RIMKLB: variants seen among roughly 807,000 people sequenced by gnomAD.
The protein encoded by RIMKLB is beta-citrylglutamate synthase B.
In RIMKLB, 7 loss-of-function variants were observed where a neutral mutation model predicts 32.0. The ratio of observed to expected loss-of-function variants is 0.22; its 90% CI spans 0.12 to 0.41. The LOEUF is 0.41. RIMKLB is among the 10% of genes least tolerant of loss of function. RIMKLB has a pLI of 1.00. For synonymous variants in RIMKLB, 172 were observed against 185.1 expected, an observed-to-expected ratio of 0.93 and a Z score of 0.57; for missense variants, 289 against 498.7, an observed-to-expected ratio of 0.58 and a Z score of 4.00.
At chr12:8,722,913 T>C (rs1246058042) in intron 2 of RIMKLB, among the ~76,000 whole-genome samples, 1 of 152,188 alleles carries the variant, frequency 6.6e-6, no homozygotes, top group South Asian at 2.1e-4. Context: ...AGAGTTAGGG[T>C]CTTACTCTAG....
In RIMKLB at chr12:8,748,632, T is replaced by A. The variant is rs762663086; in HGVS notation, c.176-1230T>A. Among the ~76,000 whole-genome samples, 11 of 150,230 alleles carry A rather than the reference T, an allele frequency of 7.3e-5. No homozygotes were observed. In the South Asian group the frequency reaches 1.5e-3, roughly 20 times the overall value. On this transcript the variant is annotated intron_variant, in intron 2 of 5. Transcript: ENST00000535829. ...TTTTATATATATATAATTTTTTTTTTAATGAAAATAGGGTTTAAGAAGAAA... is the reference window on the plus strand; with the variant it reads ...TTTTATATATATATAATTTTTTTTTAAATGAAAATAGGGTTTAAGAAGAAA...
intron 1 of RIMKLB, among the ~76,000 whole-genome samples, chr12:8,708,627 C>G (rs1400949274): frequency 6.6e-6 from 1 of 152,048 alleles, no homozygotes; most frequent in Non-Finnish European, 1.5e-5. Flanking sequence ...AAAATTATTC[C>G]TCGGGTTGGT....
At chr12:8,703,745 A>G (rs138983730) in intron 1 of RIMKLB, among the ~76,000 whole-genome samples, 1 of 152,200 alleles carries the variant, frequency 6.6e-6, no homozygotes. Flanking sequence ...TTGTGACTTT[A>G]AACAAGTTAT....
At chr12:8,704,511 C>T (rs753637092) in intron 1 of RIMKLB, among the ~76,000 whole-genome samples, 1 of 152,208 alleles carries the variant, frequency 6.6e-6, no homozygotes, top group South Asian at 2.1e-4. Context: ...GTCTTTGTAA[C>T]AAATAGAATT....
At chr12:8,711,440 C>T (rs1260611789) in intron 1 of RIMKLB, among the ~76,000 whole-genome samples, 2 of 151,844 alleles carry the variant, frequency 1.3e-5, no homozygotes, top group African/African-American at 2.4e-5. Flanking sequence ...TTTCAAGAGC[C>T]GAGTGTCAGG....
intron 1 of RIMKLB, chr12:8,699,740 C>T (rs1256020882): frequency 6.6e-6 from 1 of 152,122 alleles, no homozygotes; most frequent in Non-Finnish European, 1.5e-5. Flanking sequence ...TTTTATCTTT[C>T]TCTGTCTCCC....
chr12:8,767,384 G>A (rs182257043), intron 5 of RIMKLB, among the ~76,000 whole-genome samples: 2 of 150,808 alleles, frequency 1.3e-5, no homozygotes, highest in African/African-American at 4.9e-5. Context: ...CTCTGGCTTC[G>A]TAGCCTAGGG....
intron 5 of RIMKLB, among the ~76,000 whole-genome samples, chr12:8,757,813 T>G (rs1949180416): frequency 6.6e-6 from 1 of 152,226 alleles, no homozygotes. Context: ...TCAGCTCTAC[T>G]AGATATTGCC....
chr12:8,782,680 G>T (rs762243414), intron 7 of RIMKLB, among the ~76,000 whole-genome samples: 123 of 152,154 alleles, frequency 8.1e-4, no homozygotes, highest in African/African-American at 2.8e-3. Flanking sequence ...ATTTTTTAAT[G>T]ATAAGAACAT....
intron 5 of RIMKLB, among the ~76,000 whole-genome samples, chr12:8,762,785 A>G (rs756552558): frequency 1.5e-4 from 23 of 152,192 alleles, no homozygotes; most frequent in Non-Finnish European, 3.2e-4. Context: ...ATTATCACTG[A>G]GCACTGCGTA....
chr12:8,694,970 C>G (rs1312251854), upstream of RIMKLB, among the ~76,000 whole-genome samples: 1 of 152,140 alleles, frequency 6.6e-6, no homozygotes, highest in East Asian at 1.9e-4. Flanking sequence ...CTATGTTATG[C>G]ATTACATTTG....
intron 1 of RIMKLB, among the ~76,000 whole-genome samples, chr12:8,698,631 G>A (rs1057435447): frequency 3.3e-5 from 5 of 152,114 alleles, no homozygotes; most frequent in South Asian, 2.1e-4. Context: ...AGGGGGTGTG[G>A]TAACCCCGGG....
downstream of RIMKLB, chr12:8,778,959 T>C (rs75954837): frequency 6.9e-3 from 1,048 of 152,382 alleles, 19 homozygotes; most frequent in African/African-American, 0.024. Flanking sequence ...TTGACTCTTA[T>C]AAGGACAGTC....
chr12:8,739,304 A>T (rs1276170989), intron 2 of RIMKLB, among the ~76,000 whole-genome samples: 1 of 152,164 alleles, frequency 6.6e-6, no homozygotes, highest in African/African-American at 2.4e-5. Context: ...GAGCACGTGC[A>T]CAAGAAAGCA....
chr12:8,715,841 A>C (rs934914395), intron 2 of RIMKLB, among the ~76,000 whole-genome samples: 6 of 152,252 alleles, frequency 3.9e-5, no homozygotes, highest in Non-Finnish European at 8.8e-5. Flanking sequence ...TGTGAATGTC[A>C]CTTTGAACCC....
chr12:8,674,564 CA>C, the RIMKLB span, among the ~76,000 whole-genome samples: 1 of 149,804 alleles, frequency 6.7e-6, no homozygotes, highest in Admixed American at 6.7e-5. Flanking sequence ...TTTATGGGAC[CA>C]GGGGTCCGGC....
chr12:8,737,202 G>A (rs1404803868), intron 2 of RIMKLB, among the ~76,000 whole-genome samples: 1 of 150,324 alleles, frequency 6.7e-6, no homozygotes, highest in African/African-American at 2.4e-5. Flanking sequence ...AGGATTTCAA[G>A]ATCACACATT....
chr12:8,760,569 A>G (rs1949435508), intron 5 of RIMKLB, among the ~76,000 whole-genome samples: 1 of 152,186 alleles, frequency 6.6e-6, no homozygotes, highest in Admixed American at 6.5e-5. Context: ...AACAGTGTAA[A>G]AGCATTCCTA....
At chr12:8,735,795 A>T (rs1461508780) in intron 2 of RIMKLB, among the ~76,000 whole-genome samples, 1 of 151,318 alleles carries the variant, frequency 6.6e-6, no homozygotes, top group African/African-American at 2.4e-5. Context: ...CAATGGCGGG[A>T]TCCCGGCTCA....
Sources: gnomAD v4.1 joint callset for allele counts (sites outside exome capture counted in the v4.1 genomes callset) on GRCh38, gnomAD v4.1.1 for gene constraint, MANE v1.5 for transcripts, NCBI Gene and HGNC (gene_info 2026-07-23, HGNC 2026-07-21) for gene names.